The following KIF4A variants were observed in gnomAD, a reference collection of about 807,000 sequenced individuals.
KIF4A encodes the protein kinesin family member 4A.
In KIF4A, 7 loss-of-function variants were observed where a neutral mutation model predicts 105.9. The observed-to-expected ratio is 0.07, with a 90% CI of 0.04 to 0.12. The LOEUF is 0.12. Ranked by LOEUF, KIF4A falls within the 10% of genes least tolerant of loss-of-function variation. The pLI is 1.00. For synonymous variants in KIF4A, 281 were observed against 331.3 expected, an observed-to-expected ratio of 0.85 and a Z score of 1.65; for missense variants, 558 against 929.2, an observed-to-expected ratio of 0.60 and a Z score of 5.19.
rs761839074 is a variant in KIF4A, at chrX:70,353,822, A to G, written c.1674+15A>G. ...ACCAATACCAGGTAAACTATTTCCT[A>G]GGGCAGTATTTGTTCATGTCTACAG... On this transcript the variant is annotated intron_variant, in intron 15 of 30. Transcript: ENST00000374403. The G allele has an allele frequency of 1.6e-5, 18 of 1,128,941 alleles. No individual in the cohort carries two copies. In the South Asian group the frequency reaches 1.6e-4, roughly 10 times the overall value. The allele number at this position is 1,128,941 out of a possible 1,213,427, so 93.0% of individuals were successfully genotyped here.
chrX:70,384,518 C>T (rs1478326461), intron 18 of KIF4A, among the ~76,000 whole-genome samples: 11 of 109,879 alleles, frequency 1.0e-4, no homozygotes, highest in Non-Finnish European at 1.9e-4. Context: ...GTCAGGAGTT[C>T]GAGACCAGCC....
intron 9 of KIF4A, among the ~76,000 whole-genome samples, chrX:70,330,994 A>G (rs1380182939): frequency 9.0e-6 from 1 of 111,581 alleles, no homozygotes; most frequent in Non-Finnish European, 1.9e-5. Flanking sequence ...CCTGGAACCA[A>G]TCCCCTGCAT....
At chrX:70,377,928 C>T (rs779108511) in intron 18 of KIF4A, among the ~76,000 whole-genome samples, 1 of 111,994 alleles carries the variant, frequency 8.9e-6, no homozygotes, top group South Asian at 3.7e-4. Flanking sequence ...AGCAAGACTC[C>T]GTCTCAAAGA....
At chrX:70,337,530 T>A (rs888949683) in intron 10 of KIF4A, among the ~76,000 whole-genome samples, 1 of 110,459 alleles carries the variant, frequency 9.1e-6, no homozygotes, top group Non-Finnish European at 1.9e-5. Flanking sequence ...ATTAGCTAGG[T>A]ATGATGGTGT....
intron 13 of KIF4A, among the ~76,000 whole-genome samples, chrX:70,352,163 A>G (rs747079406): frequency 7.2e-4 from 81 of 112,333 alleles, no homozygotes; most frequent in Non-Finnish European, 1.3e-3. Flanking sequence ...ATTATTTGAT[A>G]TGTCTGTTCG....
rs776692687 is a variant in KIF4A at position 70,337,762 on chromosome X, C to T, written c.1134-4037C>T. ...AAATGTCTGATCATATCCCTGCTTT[C>T]AATTCATTTGGGTATATACCTAGAA... On this transcript the variant is annotated intron_variant, in intron 10 of 30. Coordinates refer to ENST00000374403, the MANE Select transcript of KIF4A (RefSeq NM_012310.5). Among the ~76,000 whole-genome samples, 32 of 112,042 alleles carry T rather than the reference C, an allele frequency of 2.9e-4. No homozygotes were observed. In the South Asian group the frequency reaches 0.012, roughly 42 times the overall value.
At chrX:70,329,604 C>T in intron 8 of KIF4A, 83 bp downstream of exon 8, 1 of 760,314 alleles carries the variant, frequency 1.3e-6, no homozygotes, top group Non-Finnish European at 2.0e-6. Context: ...GGTAAAAAGC[C>T]AGCTATTTGG....
At chrX:70,352,566 C>T (rs2086035276) in intron 13 of KIF4A, 34 bp from the exon 14 acceptor site, 1 of 1,126,274 alleles carries the variant, frequency 8.9e-7, no homozygotes, top group Non-Finnish European at 1.2e-6. Context: ...TTACTTCAGA[C>T]TCTTTCCCTA....
chrX:70,350,115 C>CT (rs1321694956), intron 13 of KIF4A, among the ~76,000 whole-genome samples: 1 of 113,111 alleles, frequency 8.8e-6, no homozygotes, highest in African/African-American at 3.2e-5. Flanking sequence ...AATCTTAGCA[C>CT]TTTCAGAGGC....
intron 15 of KIF4A, among the ~76,000 whole-genome samples, chrX:70,373,826 GTACACACACACACACACACA>G (rs1226716251): frequency 5.3e-4 from 14 of 26,295 alleles, no homozygotes; most frequent in Admixed American, 1.5e-3. Context: ...ACACACACAT[GTACACACACACACACACACA>G]TACACACACA....
chrX:70,388,155 A>AT (rs773234324), intron 20 of KIF4A, among the ~76,000 whole-genome samples: 118 of 110,792 alleles, frequency 1.1e-3, no homozygotes, highest in African/African-American at 3.7e-3. Flanking sequence ...TACATTATGT[A>AT]TTTTTTTTCT....
intron 28 of KIF4A, among the ~76,000 whole-genome samples, chrX:70,414,410 T>G (rs2086334912): frequency 9.0e-6 from 1 of 111,726 alleles, no homozygotes; most frequent in South Asian, 3.8e-4. Flanking sequence ...AAGCAACTGA[T>G]TTTAGGCCTC....
chrX:70,406,826 G>T, intron 27 of KIF4A, 67 bp from the exon 28 acceptor site: 1 of 1,067,113 alleles, frequency 9.4e-7, no homozygotes, highest in Non-Finnish European at 1.3e-6. Context: ...CTACTGGGAA[G>T]ATATGATGCA....
At chrX:70,371,161 A>T (rs1004062384) in intron 15 of KIF4A, among the ~76,000 whole-genome samples, 2 of 109,450 alleles carry the variant, frequency 1.8e-5, no homozygotes, top group African/African-American at 6.7e-5. Flanking sequence ...GTTTTCGCCA[A>T]TCTTTTTTGG....
At chrX:70,292,676 C>T (rs1235126140) in intron 3 of KIF4A, among the ~76,000 whole-genome samples, 4 of 112,029 alleles carry the variant, frequency 3.6e-5, no homozygotes, top group Non-Finnish European at 7.5e-5. Context: ...AGTGTTTCTA[C>T]CTAATTCTCT....
chrX:70,299,244 A>G (rs1353275837), intron 5 of KIF4A, 42 bp downstream of exon 5: 17 of 1,070,394 alleles, frequency 1.6e-5, no homozygotes, highest in Non-Finnish European at 2.0e-5. Flanking sequence ...AAAATTTGGC[A>G]ATTATAATAC....
At chrX:70,410,160 A>G (rs1466960044) in intron 28 of KIF4A, among the ~76,000 whole-genome samples, 1 of 112,169 alleles carries the variant, frequency 8.9e-6, no homozygotes, top group East Asian at 2.8e-4. Flanking sequence ...CATGGATACT[A>G]TGACTGCTCT....
At chrX:70,342,316 C>T (rs772182035) in intron 11 of KIF4A, among the ~76,000 whole-genome samples, 1 of 112,396 alleles carries the variant, frequency 8.9e-6, no homozygotes, top group African/African-American at 3.2e-5. Context: ...TCTCTCTTCC[C>T]CTAATGTTGT....
rs1356058646 is a variant in KIF4A at position 70,396,032 on chromosome X, G to A, written c.2472G>A (p.Glu824=). Residue 824 remains glutamate, a synonymous_variant, in exon 22 of 31, where the codon GAG becomes GAA. Transcript: ENST00000374403. ...DSITKQIESL[E]TEMEFRSAQI... ...TTACAAAGCAGATTGAAAGCCTAGAGACTGAAATGGAATTCAGGTAACAGG... is the reference window on the plus strand; with the variant it reads ...TTACAAAGCAGATTGAAAGCCTAGAAACTGAAATGGAATTCAGGTAACAGG... 8.4e-7 allele frequency: 1 copy of A among 1,190,189 alleles called. No individual in the cohort carries two copies. The highest frequency in any genetic ancestry group is 1.1e-6 in the Non-Finnish European group (1 of 878,022).
Sources: allele counts gnomAD v4.1 joint callset (sites outside exome capture counted in the v4.1 genomes callset), GRCh38; gene constraint gnomAD v4.1.1; transcripts MANE v1.5; gene names NCBI Gene and HGNC (gene_info 2026-07-23, HGNC 2026-07-21).